The following PTPRD variants were observed in gnomAD, a reference collection of about 807,000 sequenced individuals.
PTPRD encodes the protein protein tyrosine phosphatase receptor type D.
PTPRD carries 34 observed loss-of-function variants against 214.5 expected under a neutral mutation model. The ratio of observed to expected loss-of-function variants is 0.16; its 90% CI spans 0.12 to 0.21. PTPRD has a LOEUF of 0.21. PTPRD is among the 10% of genes least tolerant of loss of function. PTPRD has a pLI of 1.00. For synonymous variants in PTPRD, 1,128 were observed against 845.7 expected, an observed-to-expected ratio of 1.33 and a Z score of -5.79; for missense variants, 2,545 against 2,398.7, an observed-to-expected ratio of 1.06 and a Z score of -1.27.
At chr9:8,385,841 G>C (rs1293811117) in intron 37 of PTPRD, among the ~76,000 whole-genome samples, 1 of 152,144 alleles carries the variant, frequency 6.6e-6, no homozygotes, top group Non-Finnish European at 1.5e-5. Context: ...CATGGTCTGA[G>C]CTCCTCTCTC....
chr9:9,728,933 T>A (rs1344051900), intron 7 of PTPRD, among the ~76,000 whole-genome samples: 2 of 152,150 alleles, frequency 1.3e-5, no homozygotes. Flanking sequence ...TTATCCCAAG[T>A]CTTCTATTTT....
rs141493497 is a variant in PTPRD, at chr9:9,211,957, A to G, written c.-202-28594T>C. 1.8e-3 allele frequency among the ~76,000 whole-genome samples: 273 copies of G among 152,262 alleles called. 1 individual carries two copies. Among genetic ancestry groups the G allele is most frequent in the African/African-American group, 6.2e-3 (257 of 41,580 alleles). On this transcript the variant is annotated intron_variant, in intron 9 of 45. Coordinates refer to ENST00000381196, the MANE Select transcript of PTPRD (RefSeq NM_002839.4). ...ATATCTGCACTCTTTTTAGTGATCT[A>G]TGCTGTCTCCCCAAGTTTAATGAAC... is the stretch of plus-strand genomic sequence containing the variant.
intron 9 of PTPRD, among the ~76,000 whole-genome samples, chr9:9,280,361 A>C (rs1451626197): frequency 6.6e-6 from 1 of 151,352 alleles, no homozygotes. Context: ...ATAACTAAAA[A>C]TGATAATTCA....
intron 9 of PTPRD, among the ~76,000 whole-genome samples, chr9:9,344,319 C>A (rs1189268419): frequency 6.6e-6 from 1 of 151,734 alleles, no homozygotes; most frequent in African/African-American, 2.4e-5. Context: ...CACACTGAGG[C>A]CTGTCGGGGG....
At chr9:8,657,260 C>T (rs770710741) in intron 12 of PTPRD, among the ~76,000 whole-genome samples, 4 of 151,264 alleles carry the variant, frequency 2.6e-5, no homozygotes, top group Non-Finnish European at 5.9e-5. Context: ...CTCTGCCTCC[C>T]GGGTTCAAGT....
chr9:10,164,543 C>T (rs1375138636), intron 3 of PTPRD, among the ~76,000 whole-genome samples: 1 of 151,450 alleles, frequency 6.6e-6, no homozygotes, highest in African/African-American at 2.4e-5. Flanking sequence ...AGGACACTAA[C>T]TTCATATTAC....
chr9:10,271,270 C>T lies in PTPRD; in HGVS notation c.-545+69693G>A, dbSNP rs996214648. Among the ~76,000 whole-genome samples the T allele has an allele frequency of 2.0e-5, 3 of 152,172 alleles. 1 individual carries two copies. Among genetic ancestry groups the T allele is most frequent in the Middle Eastern group, 6.8e-3 (2 of 294 alleles). On this transcript the variant is annotated intron_variant, in intron 3 of 45. Coordinates refer to ENST00000381196, the MANE Select transcript of PTPRD (RefSeq NM_002839.4). ...ATAAATAATTGATATGTTTTTGGAA[C>T]AGAAGACAATCTATGTACATTTGCA...
At chr9:10,297,121 A>ATAC (rs1475416397) in intron 3 of PTPRD, among the ~76,000 whole-genome samples, 1 of 146,960 alleles carries the variant, frequency 6.8e-6, no homozygotes, top group African/African-American at 2.5e-5. Context: ...ATATATATAT[A>ATAC]AAATATATAT....
intron 35 of PTPRD, among the ~76,000 whole-genome samples, chr9:8,436,125 CATTT>C (rs1332932557): frequency 6.6e-6 from 1 of 152,098 alleles, no homozygotes; most frequent in Non-Finnish European, 1.5e-5. Flanking sequence ...TGCATGATCT[CATTT>C]ATATGTGAAA....
At chr9:8,940,280 C>CATTTTTTTTTTTTTTT (rs763715400) in intron 11 of PTPRD, among the ~76,000 whole-genome samples, 1 of 89,050 alleles carries the variant, frequency 1.1e-5, no homozygotes, top group African/African-American at 4.4e-5. Context: ...TCTCTCTCTC[C>CATTTTTTTTTTTTTTT]TTTTTTTTTT....
intron 4 of PTPRD, among the ~76,000 whole-genome samples, chr9:9,989,079 G>C (rs747199469): frequency 7.0e-6 from 1 of 142,424 alleles, no homozygotes; most frequent in Non-Finnish European, 1.5e-5. Context: ...CCAAAGAGTT[G>C]CTCTGGGGAG....
At chr9:9,922,176 A>G (rs1385464938) in intron 5 of PTPRD, among the ~76,000 whole-genome samples, 1 of 152,124 alleles carries the variant, frequency 6.6e-6, no homozygotes. Flanking sequence ...AGAAGGCACG[A>G]ATGAACTGCA....
chr9:9,498,295 A>T (rs184342427), intron 8 of PTPRD, among the ~76,000 whole-genome samples: 6 of 152,282 alleles, frequency 3.9e-5, no homozygotes, highest in African/African-American at 1.4e-4. Context: ...CCAAGTATGA[A>T]TGTTGACATA....
intron 2 of PTPRD, among the ~76,000 whole-genome samples, chr9:10,587,972 G>C (rs775147200): frequency 9.9e-5 from 15 of 151,978 alleles, no homozygotes; most frequent in Admixed American, 6.6e-5. Context: ...TGAAAATACA[G>C]CTCATATATC....
chr9:8,485,116 A>C, intron 29 of PTPRD, 111 bp downstream of exon 29: 1 of 781,520 alleles, frequency 1.3e-6, no homozygotes, highest in Non-Finnish European at 2.1e-6. Flanking sequence ...GAAAATAGCA[A>C]GGACACGTGG....
At chr9:10,479,662 C>CATACATAAATACATAAATAAAT (rs1296695008) in intron 2 of PTPRD, among the ~76,000 whole-genome samples, 50 of 52,640 alleles carry the variant, frequency 9.5e-4, no homozygotes, top group African/African-American at 1.4e-3. Flanking sequence ...AATAAATAAA[C>CATACATAAATACATAAATAAAT]AAAAATACAA....
At chr9:10,405,412 G>A (rs2098337876) in intron 2 of PTPRD, among the ~76,000 whole-genome samples, 1 of 151,520 alleles carries the variant, frequency 6.6e-6, no homozygotes, top group Non-Finnish European at 1.5e-5. Flanking sequence ...GGTCCTGGAG[G>A]GGAGAAAATA....
At chr9:8,446,114 A>C (rs1385062431) in intron 34 of PTPRD, among the ~76,000 whole-genome samples, 1 of 152,194 alleles carries the variant, frequency 6.6e-6, no homozygotes, top group Non-Finnish European at 1.5e-5. Flanking sequence ...ACAAAAAAGC[A>C]GGTTTCTCTG....
In PTPRD at chr9:8,345,407, G is replaced by T. The variant is rs10815826; in HGVS notation, c.4662-3429C>A. On this transcript the variant is annotated intron_variant, in intron 39 of 45. Coordinates refer to ENST00000381196, the MANE Select transcript of PTPRD (RefSeq NM_002839.4). Reference sequence around the variant, plus strand: ...GCTTCACAATGCTTTCCACCATTTAGGTCAGCAGTCATTGCCAAATATGGT... The same window carrying T: ...GCTTCACAATGCTTTCCACCATTTATGTCAGCAGTCATTGCCAAATATGGT... 2.8e-3 allele frequency among the ~76,000 whole-genome samples: 425 copies of T among 151,958 alleles called. 5 individuals are homozygous for T. The highest frequency in any genetic ancestry group is 9.3e-3 in the African/African-American group (385 of 41,438).
Sources: allele counts gnomAD v4.1 joint callset (sites outside exome capture counted in the v4.1 genomes callset), GRCh38; gene constraint gnomAD v4.1.1; transcripts MANE v1.5; gene names NCBI Gene and HGNC (gene_info 2026-07-23, HGNC 2026-07-21).